ANTXR2: variants seen among roughly 807,000 people sequenced by gnomAD.
ANTXR2 encodes the protein anthrax toxin receptor 2.
In ANTXR2, 44 loss-of-function variants were observed where a neutral mutation model predicts 73.7. The ratio of observed to expected loss-of-function variants is 0.60; its 90% CI spans 0.47 to 0.77. The LOEUF is 0.77. Ranked by LOEUF, ANTXR2 falls within the 30% of genes least tolerant of loss-of-function variation. The probability of loss-of-function intolerance (pLI) is 0.00; values close to 1 mark genes in which losing one functional copy is unlikely to be tolerated. For synonymous variants in ANTXR2, 217 were observed against 205.9 expected (o/e 1.05, Z -0.46); for missense variants, 604 against 592.5 (o/e 1.02, Z -0.20).
chr4:79,980,227 AATC>A (rs1247313703), intron 14 of ANTXR2, among the ~76,000 whole-genome samples: 1 of 152,144 alleles, frequency 6.6e-6, no homozygotes, highest in African/African-American at 2.4e-5. Context: ...GGAGCTATTT[AATC>A]ATCATCAACA....
At chr4:79,983,428 A>G (rs1729971402) in intron 14 of ANTXR2, among the ~76,000 whole-genome samples, 1 of 152,164 alleles carries the variant, frequency 6.6e-6, no homozygotes, top group Non-Finnish European at 1.5e-5. Flanking sequence ...CAACTAACAT[A>G]AAGTATTAAA....
At chr4:80,002,688 T>C (rs1731105337) in intron 12 of ANTXR2, among the ~76,000 whole-genome samples, 1 of 151,836 alleles carries the variant, frequency 6.6e-6, no homozygotes, top group Admixed American at 6.6e-5. Context: ...ATCCAGAATC[T>C]ACAATGAACT....
intron 16 of ANTXR2, among the ~76,000 whole-genome samples, chr4:79,912,048 T>C (rs992918697): frequency 1.3e-5 from 2 of 151,932 alleles, no homozygotes; most frequent in African/African-American, 4.8e-5. Flanking sequence ...ATAAATATAT[T>C]ACCTTATTTT....
chr4:79,991,403 C>T (rs1041023170), intron 12 of ANTXR2, among the ~76,000 whole-genome samples: 1 of 152,014 alleles, frequency 6.6e-6, no homozygotes, highest in African/African-American at 2.4e-5. Flanking sequence ...CAACAAGATA[C>T]CATCTCACAC....
intron 14 of ANTXR2, among the ~76,000 whole-genome samples, chr4:79,983,582 C>T (rs1229381544): frequency 3.3e-5 from 5 of 152,046 alleles, no homozygotes; most frequent in Admixed American, 6.5e-5. Context: ...TCAAAGTTGA[C>T]GTTCTATGCG....
intron 10 of ANTXR2, among the ~76,000 whole-genome samples, chr4:80,030,434 G>A (rs1400433947): frequency 6.6e-6 from 1 of 152,068 alleles, no homozygotes; most frequent in Non-Finnish European, 1.5e-5. Flanking sequence ...CCTACGGTGT[G>A]CTTGGGGTTA....
In ANTXR2 at chr4:79,902,410, T is replaced by C. The variant is rs1273173106; in HGVS notation, c.*5019A>G. 1 of 152,156 alleles carries C rather than the reference T, an allele frequency of 6.6e-6. No individual in the cohort carries two copies. Among genetic ancestry groups the C allele is most frequent in the Non-Finnish European group, 1.5e-5 (1 of 68,024 alleles). The allele number at this position is 152,156 out of a possible 1,614,324, so 9.4% of individuals were successfully genotyped here. A position where few individuals can be genotyped will look rare whatever the true frequency, so the allele number is the denominator to read the frequency against. On this transcript the variant is annotated 3_prime_UTR_variant, in exon 17 of 17. Coordinates refer to ENST00000403729, the MANE Select transcript of ANTXR2 (RefSeq NM_058172.6). The stretch of plus-strand genomic sequence containing the variant: ...GCATAGTAACTGTCAATTAAGACTT[T>C]TTTTCCAATTTTGACTAAAAAAAGA...
intron 16 of ANTXR2, 37 bp from the exon 17 acceptor site, chr4:79,907,504 G>A (rs767996268): frequency 1.3e-6 from 2 of 1,593,050 alleles, no homozygotes; most frequent in East Asian, 2.2e-5. Flanking sequence ...AAATATTGAA[G>A]CCATTATTTA....
At chr4:80,060,832 G>A (rs150448042) in intron 3 of ANTXR2, among the ~76,000 whole-genome samples, 1 of 152,266 alleles carries the variant, frequency 6.6e-6, no homozygotes, top group Non-Finnish European at 1.5e-5. Flanking sequence ...GGGGAGTCTA[G>A]TGTACCCCAA....
At chr4:80,038,995 G>A (rs760286270) in intron 7 of ANTXR2, among the ~76,000 whole-genome samples, 5 of 151,986 alleles carry the variant, frequency 3.3e-5, no homozygotes, top group Admixed American at 6.6e-5. Flanking sequence ...TTGTGCCTTC[G>A]GTACAACCAA....
At chr4:80,032,499 G>T (rs1260156612) in intron 9 of ANTXR2, among the ~76,000 whole-genome samples, 3 of 151,784 alleles carry the variant, frequency 2.0e-5, no homozygotes, top group Non-Finnish European at 2.9e-5. Flanking sequence ...TAATAGAAAA[G>T]AGAGGAATTA....
intron 11 of ANTXR2, among the ~76,000 whole-genome samples, chr4:80,016,544 G>A (rs1731881448): frequency 1.3e-5 from 2 of 152,096 alleles, no homozygotes; most frequent in African/African-American, 4.8e-5. Context: ...CCATCCATTT[G>A]TCAACAACTA....
intron 12 of ANTXR2, among the ~76,000 whole-genome samples, chr4:80,007,850 A>T (rs1731381728): frequency 6.6e-6 from 1 of 152,130 alleles, no homozygotes; most frequent in Non-Finnish European, 1.5e-5. Flanking sequence ...ACCCAGTGAG[A>T]CTCATGTGAA....
chr4:79,994,632 C>T (rs1379187988), intron 12 of ANTXR2, among the ~76,000 whole-genome samples: 2 of 151,876 alleles, frequency 1.3e-5, no homozygotes, highest in South Asian at 2.1e-4. Flanking sequence ...ACATCTCTCT[C>T]CATAACTCTT....
At chr4:79,977,176 A>T (rs9996639) in intron 16 of ANTXR2, among the ~76,000 whole-genome samples, 19 of 152,238 alleles carry the variant, frequency 1.2e-4, no homozygotes, top group African/African-American at 4.6e-4. Context: ...AATAGTCAAG[A>T]AATTCGATTA....
intron 8 of ANTXR2, 66 bp downstream of exon 8, chr4:80,035,906 T>A (rs1732933165): frequency 1.5e-6 from 2 of 1,313,716 alleles, no homozygotes; most frequent in African/African-American, 1.5e-5. Flanking sequence ...GAGTTTCATA[T>A]CATATATTTT....
At chr4:79,933,004 T>C (rs1201099738) in intron 16 of ANTXR2, among the ~76,000 whole-genome samples, 2 of 152,096 alleles carry the variant, frequency 1.3e-5, no homozygotes, top group South Asian at 4.1e-4. Flanking sequence ...TTCTCCATCA[T>C]AAGCCTATTT....
intron 11 of ANTXR2, among the ~76,000 whole-genome samples, chr4:80,011,079 G>A (rs976344615): frequency 1.3e-5 from 2 of 151,916 alleles, no homozygotes; most frequent in South Asian, 2.1e-4. Flanking sequence ...TCTGGGAGGC[G>A]GAGGTTGCAG....
chr4:80,071,228 G>C (rs753414466), intron 2 of ANTXR2, among the ~76,000 whole-genome samples: 1 of 151,674 alleles, frequency 6.6e-6, no homozygotes, highest in African/African-American at 2.4e-5. Flanking sequence ...GAAATGTGTG[G>C]AAAGAAAAAT....
Sources: gnomAD v4.1 joint callset for allele counts (sites outside exome capture counted in the v4.1 genomes callset) on GRCh38, gnomAD v4.1.1 for gene constraint, MANE v1.5 for transcripts, NCBI Gene and HGNC (gene_info 2026-07-23, HGNC 2026-07-21) for gene names.